UTY: variants seen among roughly 807,000 people sequenced by gnomAD.
The protein encoded by UTY is ubiquitously transcribed tetratricopeptide repeat containing, Y-linked, also known as histone demethylase UTY.
A neutral mutation model predicts 32.5 loss-of-function variants in UTY; 12 were observed. The observed-to-expected ratio is 0.37, with a 90% CI of 0.24 to 0.60. UTY has a LOEUF of 0.60. Among genes scored for constraint, UTY ranks in the 20% least tolerant of loss-of-function variants. The pLI, the probability that UTY is intolerant of heterozygous loss-of-function variation, is 0.69. For synonymous variants in UTY, 131 were observed against 103.4 expected, an observed-to-expected ratio of 1.27 and a Z score of -1.62; for missense variants, 303 against 299.2, an observed-to-expected ratio of 1.01 and a Z score of -0.09.
intron 4 of UTY, among the ~76,000 whole-genome samples, chrY:13,416,476 A>G (rs2149707268): frequency 5.8e-5 from 2 of 34,359 alleles, no homozygotes; most frequent in South Asian, 1.2e-3. Context: ...TTGTGTATTT[A>G]AGGAAGAGCG....
chrY:13,429,299 G>A, intron 4 of UTY, among the ~76,000 whole-genome samples: 2 of 33,512 alleles, frequency 6.0e-5, no homozygotes, highest in Non-Finnish European at 1.5e-4. Flanking sequence ...TGTTGGCTGC[G>A]AGTCTGTCAT....
At chrY:13,312,546 G>C in intron 21 of UTY, among the ~76,000 whole-genome samples, 1 of 32,185 alleles carries the variant, frequency 3.1e-5, no homozygotes, top group Non-Finnish European at 7.6e-5. Flanking sequence ...GGTCATCTGG[G>C]GTTGGGAGTT....
At chrY:13,453,194 C>G in intron 3 of UTY, among the ~76,000 whole-genome samples, 4 of 33,709 alleles carry the variant, frequency 1.2e-4, no homozygotes, top group African/African-American at 4.6e-4. Context: ...CATATATGAT[C>G]AATTGATTTT....
chrY:13,358,779 T>C, intron 13 of UTY, among the ~76,000 whole-genome samples, 160 bp from the exon 14 acceptor site: 1 of 33,366 alleles, frequency 3.0e-5, no homozygotes, highest in Non-Finnish European at 7.4e-5. Context: ...GCAATGTGTG[T>C]CTTCTTCAGA....
At chrY:13,315,009 A>C in intron 21 of UTY, among the ~76,000 whole-genome samples, 2 of 34,067 alleles carry the variant, frequency 5.9e-5, no homozygotes, top group Admixed American at 2.7e-4. Flanking sequence ...GCAGAACAAT[A>C]TAGTCGTCCT....
chrY:13,347,676 C>T (rs2149150027), intron 17 of UTY, among the ~76,000 whole-genome samples: 1 of 32,150 alleles, frequency 3.1e-5, no homozygotes, highest in East Asian at 8.2e-4. Context: ...GAGCCAAGAT[C>T]GTGCCACTGC....
chrY:13,245,933 T>C (rs2053942773), downstream of UTY, among the ~76,000 whole-genome samples: 2 of 33,453 alleles, frequency 6.0e-5, no homozygotes, highest in Non-Finnish European at 1.5e-4. Context: ...ATTCATGTTA[T>C]GAAGTGTGAA....
chrY:13,424,743 G>C, intron 4 of UTY, among the ~76,000 whole-genome samples: 1 of 33,220 alleles, frequency 3.0e-5, no homozygotes, highest in Non-Finnish European at 7.4e-5. Flanking sequence ...AGAGAGACAA[G>C]AGGACTGCCT....
chrY:13,470,852 C>T, intron 2 of UTY, among the ~76,000 whole-genome samples: 1 of 32,658 alleles, frequency 3.1e-5, no homozygotes, highest in Non-Finnish European at 7.5e-5. Context: ...TCAAATTAAG[C>T]ATTGGAGGAA....
intron 8 of UTY, among the ~76,000 whole-genome samples, chrY:13,379,680 A>C (rs2065790087): frequency 3.3e-5 from 1 of 30,637 alleles, no homozygotes; most frequent in Non-Finnish European, 7.8e-5. Flanking sequence ...CACACACATA[A>C]ATTTCTGAGT....
chrY:13,371,355 C>CCA (rs770242542), intron 8 of UTY, among the ~76,000 whole-genome samples: 153 of 29,935 alleles, frequency 5.1e-3, no homozygotes, highest in African/African-American at 0.013. Context: ...GCATACACAA[C>CCA]CACACACACA....
chrY:13,470,095 G>A, intron 3 of UTY, 26 bp downstream of exon 3: 1 of 344,199 alleles, frequency 2.9e-6, no homozygotes, highest in Non-Finnish European at 4.1e-6. Context: ...AGTCAAGCAA[G>A]AAATTTAGAA....
intron 3 of UTY, among the ~76,000 whole-genome samples, chrY:13,458,611 GT>G (rs2077064206): frequency 3.9e-4 from 13 of 32,980 alleles, no homozygotes; most frequent in African/African-American, 1.5e-3. Context: ...TGATGGGGTT[GT>G]TTGTTTTTTT....
chrY:13,350,226 A>C lies in UTY; in HGVS notation c.2061+4777T>G, dbSNP rs991430041. Among the ~76,000 whole-genome samples the C allele has an allele frequency of 1.2e-4, 4 of 33,692 alleles. No individual in the cohort carries two copies. The East Asian group carries it at 3.0e-3, about 26-fold the overall frequency. 90.4% of individuals were successfully genotyped at this position (33,692 alleles called of 37,273 possible). Reference sequence around the variant, plus strand: ...CTGAATGAACTAAGACTCCATGCAAAAGAGAGACTAGACAGAAATGTTTAA... The same window carrying C: ...CTGAATGAACTAAGACTCCATGCAACAGAGAGACTAGACAGAAATGTTTAA... On this transcript the variant is annotated intron_variant, in intron 17 of 29. Transcript: ENST00000545955.
intron 8 of UTY, among the ~76,000 whole-genome samples, chrY:13,374,277 C>T (rs769133377): frequency 1.2e-4 from 4 of 32,642 alleles, no homozygotes; most frequent in African/African-American, 4.8e-4. Flanking sequence ...ATGATCCGCC[C>T]GCCTCGGCCT....
intron 18 of UTY, among the ~76,000 whole-genome samples, chrY:13,327,970 G>A: frequency 3.0e-5 from 1 of 33,881 alleles, no homozygotes; most frequent in African/African-American, 1.1e-4. Context: ...GCTCACGCCC[G>A]TAATCCCAGC....
intron 4 of UTY, among the ~76,000 whole-genome samples, chrY:13,417,163 C>A: frequency 2.9e-5 from 1 of 34,113 alleles, no homozygotes; most frequent in Non-Finnish European, 7.3e-5. Flanking sequence ...CCACTTGTTT[C>A]ATGAACACAC....
At chrY:13,403,276 C>A in intron 6 of UTY, among the ~76,000 whole-genome samples, 1 of 31,716 alleles carries the variant, frequency 3.2e-5, no homozygotes, top group East Asian at 8.5e-4. Flanking sequence ...TCATGCTATT[C>A]AGAAGAGTGC....
chrY:13,466,113 G>A, intron 3 of UTY, among the ~76,000 whole-genome samples: 1 of 33,227 alleles, frequency 3.0e-5, no homozygotes, highest in Non-Finnish European at 7.4e-5. Context: ...TACAGATTAA[G>A]AAACTGTATA....
Sources: gnomAD v4.1 joint callset for allele counts (sites outside exome capture counted in the v4.1 genomes callset) on GRCh38, gnomAD v4.1.1 for gene constraint, MANE v1.5 for transcripts, NCBI Gene and HGNC (gene_info 2026-07-23, HGNC 2026-07-21) for gene names.